Variants in FSHR observed in about 807,000 individuals in gnomAD.
The protein encoded by FSHR is follicle stimulating hormone receptor.
In FSHR, 46 loss-of-function variants were observed where a neutral mutation model predicts 52.1. The ratio of observed to expected loss-of-function variants is 0.88; its 90% CI spans 0.70 to 1.13. The LOEUF (loss-of-function observed/expected upper bound fraction) is 1.13, where lower values mean the gene tolerates loss of function less well. Among genes scored for constraint, FSHR ranks in the 50% most tolerant of loss-of-function variants. The probability of loss-of-function intolerance (pLI) is 0.00; values close to 1 mark genes in which losing one functional copy is unlikely to be tolerated. For missense variants in FSHR, 964 were observed against 834.6 expected, an observed-to-expected ratio of 1.16 and a Z score of -1.91; for synonymous variants, 399 against 309.6, an observed-to-expected ratio of 1.29 and a Z score of -3.03.
chr2:49,011,485 CT>C (rs1667271086), intron 4 of FSHR, among the ~76,000 whole-genome samples: 2 of 151,908 alleles, frequency 1.3e-5, no homozygotes, highest in African/African-American at 4.8e-5. Context: ...TGGTGTGGTG[CT>C]GAAAAAAATA....
intron 8 of FSHR, among the ~76,000 whole-genome samples, chr2:48,969,197 T>C (rs1674620894): frequency 6.6e-6 from 1 of 152,208 alleles, no homozygotes; most frequent in Non-Finnish European, 1.5e-5. Context: ...CCTTCCCTTC[T>C]ACAGTCTATT....
chr2:49,140,534 G>A (rs1202081554), intron 1 of FSHR, among the ~76,000 whole-genome samples: 1 of 151,756 alleles, frequency 6.6e-6, no homozygotes, highest in African/African-American at 2.4e-5. Flanking sequence ...TGCAAGAATG[G>A]CCTAACACTA....
At chr2:49,105,203 G>C (rs1671179560) in intron 1 of FSHR, among the ~76,000 whole-genome samples, 1 of 152,120 alleles carries the variant, frequency 6.6e-6, no homozygotes. Context: ...ATTAGGAACA[G>C]CCTTGAAAAG....
chr2:48,994,211 C>T (rs955155884), intron 4 of FSHR, among the ~76,000 whole-genome samples: 34 of 152,124 alleles, frequency 2.2e-4, no homozygotes, highest in African/African-American at 7.5e-4. Flanking sequence ...CTTACTCATT[C>T]AACGTTATTT....
chr2:49,007,819 C>T (rs927692387), intron 4 of FSHR, among the ~76,000 whole-genome samples: 1 of 151,954 alleles, frequency 6.6e-6, no homozygotes, highest in African/African-American at 2.4e-5. Flanking sequence ...GCTTTACAAT[C>T]AGTATCTCAT....
intron 4 of FSHR, among the ~76,000 whole-genome samples, chr2:48,992,781 C>T (rs1011386368): frequency 1.3e-5 from 2 of 152,092 alleles, no homozygotes; most frequent in Non-Finnish European, 2.9e-5. Context: ...TCTTCTTTCA[C>T]AGCAAAGCTT....
In FSHR at chr2:48,983,169, G is replaced by A. The variant is rs1675333382; in HGVS notation, c.525-3C>T. 2 of 1,613,530 alleles carry A rather than the reference G, an allele frequency of 1.2e-6. No individual in the cohort carries two copies. The highest frequency in any genetic ancestry group is 1.7e-6 in the Non-Finnish European group (2 of 1,179,668). On this transcript the variant is annotated splice_region_variant and splice_polypyrimidine_tract_variant and intron_variant, in intron 6 of 9. Coordinates refer to ENST00000406846, the MANE Select transcript of FSHR (RefSeq NM_000145.4). ...GAATCCCATTCTTATTCAGCCATCT[G>A]AAATAAAAGGCCTATTAAAAAACCA...
chr2:49,131,637 G>C (rs1280672216), intron 1 of FSHR, among the ~76,000 whole-genome samples: 1 of 152,066 alleles, frequency 6.6e-6, no homozygotes, highest in Non-Finnish European at 1.5e-5. Context: ...GTATTATCTT[G>C]AATGTAAAGA....
At chr2:49,031,459 C>T (rs963341017) in intron 2 of FSHR, among the ~76,000 whole-genome samples, 1 of 152,208 alleles carries the variant, frequency 6.6e-6, no homozygotes, top group Admixed American at 6.5e-5. Flanking sequence ...TTTTCCTACA[C>T]ATGCCCCCTT....
rs965684595 is a variant in FSHR, at chr2:49,154,409, C to A, written c.9G>T (p.Leu3=). MA[L]LLVSLLAFLS... ...GGAATGCCAGCAAAGAGACCAGGAG[C>A]AGGGCCATAATTATGCATCCATCCA... Residue 3 remains leucine, a synonymous_variant, in exon 1 of 10, where the codon CTG becomes CTT. Transcript: ENST00000406846. 1.9e-5 allele frequency: 30 copies of A among 1,612,352 alleles called. No homozygotes were observed. The highest frequency in any genetic ancestry group is 2.4e-5 in the Non-Finnish European group (28 of 1,179,884).
chr2:49,067,875 A>G (rs569091742), intron 2 of FSHR, among the ~76,000 whole-genome samples: 1 of 151,984 alleles, frequency 6.6e-6, no homozygotes, highest in Admixed American at 6.6e-5. Context: ...AAAATTAATC[A>G]TAAATGGTAG....
intron 1 of FSHR, among the ~76,000 whole-genome samples, chr2:49,074,498 A>C (rs1299999134): frequency 2.6e-5 from 4 of 152,136 alleles, no homozygotes; most frequent in South Asian, 2.1e-4. Flanking sequence ...GGCTATCCTC[A>C]AAAGGACAAC....
Position 48,985,697 on chromosome 2 carries a change from G to GTTTTTTTTTTTTTTTT in FSHR, c.525-2547_525-2532dup, listed in dbSNP as rs70946839. 2.0e-4 allele frequency among the ~76,000 whole-genome samples: 20 copies of GTTTTTTTTTTTTTTTT among 99,542 alleles called. 6 individuals are homozygous for GTTTTTTTTTTTTTTTT. The highest frequency in any genetic ancestry group is 5.9e-4 in the African/African-American group (14 of 23,880). 65.3% of individuals were successfully genotyped at this position (99,542 alleles called of 152,430 possible). A position where few individuals can be genotyped will look rare whatever the true frequency, so the allele number is the denominator to read the frequency against. ...TTCAGTTTCAGGGGAGCAAGTACAG[G>GTTTTTTTTTTTTTTTT]TTTTTTTTTTTTTTTTTTTTTTTTT... On this transcript the variant is annotated intron_variant, in intron 6 of 9. Coordinates refer to ENST00000406846, the MANE Select transcript of FSHR (RefSeq NM_000145.4).
intron 1 of FSHR, among the ~76,000 whole-genome samples, chr2:49,080,325 C>G (rs1010351027): frequency 6.6e-6 from 1 of 152,144 alleles, no homozygotes; most frequent in Non-Finnish European, 1.5e-5. Flanking sequence ...ACAAAATGCC[C>G]TTGGACCCAG....
rs138421450 is a variant in FSHR at position 49,112,316 on chromosome 2, A to G, written c.152+41950T>C. ...AGTAGAATACACAAATATAACACAC[A>G]CAATAGAATACACACACAATAGAAC... On this transcript the variant is annotated intron_variant, in intron 1 of 9. Coordinates refer to ENST00000406846, the MANE Select transcript of FSHR (RefSeq NM_000145.4). Among the ~76,000 whole-genome samples, 157 of 152,294 alleles carry G rather than the reference A, an allele frequency of 1.0e-3. 1 individual carries two copies. The highest frequency in any genetic ancestry group is 3.4e-3 in the Middle Eastern group (1 of 294).
chr2:48,994,743 A>G (rs559598719), intron 4 of FSHR, among the ~76,000 whole-genome samples: 14 of 152,292 alleles, frequency 9.2e-5, no homozygotes, highest in Admixed American at 7.2e-4. Flanking sequence ...ACCATGGTTT[A>G]TCTTCAAAAA....
chr2:49,054,965 C>T (rs75254704), intron 2 of FSHR, among the ~76,000 whole-genome samples: 3,381 of 152,144 alleles, frequency 0.022, 58 homozygotes, highest in Non-Finnish European at 0.037. Flanking sequence ...TGTAGGGATA[C>T]ATCAAAGATG....
At chr2:49,053,581 C>T (rs1023642381) in intron 2 of FSHR, among the ~76,000 whole-genome samples, 12 of 152,016 alleles carry the variant, frequency 7.9e-5, no homozygotes, top group Admixed American at 6.6e-4. Flanking sequence ...CACAAAGTCT[C>T]AAAGCAATGA....
chr2:49,033,788 G>T (rs1355362688), intron 2 of FSHR, among the ~76,000 whole-genome samples: 2 of 151,992 alleles, frequency 1.3e-5, no homozygotes, highest in African/African-American at 4.8e-5. Context: ...GGAGGGGAGG[G>T]GATTACATTT....
Sources: gnomAD v4.1 joint callset for allele counts (sites outside exome capture counted in the v4.1 genomes callset) on GRCh38, gnomAD v4.1.1 for gene constraint, MANE v1.5 for transcripts, NCBI Gene and HGNC (gene_info 2026-07-23, HGNC 2026-07-21) for gene names.